NEGR1: variants seen among roughly 807,000 people sequenced by gnomAD.
NEGR1 encodes neuronal growth regulator 1.
In NEGR1, 10 loss-of-function variants were observed where a neutral mutation model predicts 40.9. That is an observed-to-expected ratio of 0.24 (90% CI 0.15 to 0.42). The LOEUF (loss-of-function observed/expected upper bound fraction) is 0.42, where lower values mean the gene tolerates loss of function less well. NEGR1 is among the 10% of genes least tolerant of loss of function. NEGR1 has a pLI of 1.00. For synonymous variants in NEGR1, 185 were observed against 166.8 expected (o/e 1.11, Z -0.84); for missense variants, 352 against 438.9 (o/e 0.80, Z 1.77).
At chr1:72,256,308 A>G (rs1655269310) in intron 1 of NEGR1, among the ~76,000 whole-genome samples, 1 of 152,206 alleles carries the variant, frequency 6.6e-6, no homozygotes, top group African/African-American at 2.4e-5. Context: ...AAAAGTGTTG[A>G]CACAATGCTC....
At chr1:71,781,324 T>C (rs1570338895) in intron 2 of NEGR1, among the ~76,000 whole-genome samples, 1 of 152,142 alleles carries the variant, frequency 6.6e-6, no homozygotes, top group African/African-American at 2.4e-5. Flanking sequence ...CCTGAACCAA[T>C]ATTAACTTGC....
intron 1 of NEGR1, among the ~76,000 whole-genome samples, chr1:72,273,046 G>C (rs1235421957): frequency 6.6e-6 from 1 of 151,908 alleles, no homozygotes; most frequent in Non-Finnish European, 1.5e-5. Flanking sequence ...TTCAGAACCT[G>C]ATATGGCTTA....
At chr1:72,194,910 A>G (rs1023425453) in intron 1 of NEGR1, among the ~76,000 whole-genome samples, 12 of 152,060 alleles carry the variant, frequency 7.9e-5, no homozygotes, top group African/African-American at 2.9e-4. Context: ...GATGATGCCT[A>G]CTGTGTCATC....
intron 6 of NEGR1, among the ~76,000 whole-genome samples, chr1:71,577,705 G>T (rs1226367456): frequency 2.0e-5 from 3 of 152,134 alleles, no homozygotes; most frequent in African/African-American, 7.2e-5. Context: ...CTCTGTCTAA[G>T]CTTGTCTCTT....
At chr1:71,980,736 G>A (rs755284609) in intron 1 of NEGR1, among the ~76,000 whole-genome samples, 3 of 151,994 alleles carry the variant, frequency 2.0e-5, no homozygotes, top group Non-Finnish European at 2.9e-5. Flanking sequence ...TATTATCAGC[G>A]CAAAGCTCAA....
chr1:71,751,178 A>C (rs537384405), intron 3 of NEGR1, among the ~76,000 whole-genome samples: 17 of 152,044 alleles, frequency 1.1e-4, no homozygotes, highest in African/African-American at 3.9e-4. Context: ...CAGTAGTTTC[A>C]GTTTTTATCT....
At chr1:72,055,176 A>G (rs536037437) in intron 1 of NEGR1, among the ~76,000 whole-genome samples, 1 of 151,224 alleles carries the variant, frequency 6.6e-6, no homozygotes, top group Admixed American at 6.6e-5. Flanking sequence ...TATCTCTACT[A>G]CTATTATGAA....
At chr1:72,013,942 C>T (rs1303830064) in intron 1 of NEGR1, among the ~76,000 whole-genome samples, 1 of 122,360 alleles carries the variant, frequency 8.2e-6, no homozygotes, top group African/African-American at 3.2e-5. Context: ...ATACAAGTCC[C>T]AAGAGATGCT....
At chr1:72,275,899 C>A (rs1472153356) in intron 1 of NEGR1, among the ~76,000 whole-genome samples, 2 of 151,946 alleles carry the variant, frequency 1.3e-5, no homozygotes, top group African/African-American at 2.4e-5. Flanking sequence ...GAGTTTGAGA[C>A]CAGTCTGGGC....
At chr1:72,211,964 A>C (rs1484900367) in intron 1 of NEGR1, among the ~76,000 whole-genome samples, 4 of 151,966 alleles carry the variant, frequency 2.6e-5, no homozygotes, top group Non-Finnish European at 4.4e-5. Context: ...TAAATGAACC[A>C]GATTTTGGAA....
intron 2 of NEGR1, among the ~76,000 whole-genome samples, chr1:71,922,637 T>A (rs1195376466): frequency 6.6e-6 from 1 of 152,176 alleles, no homozygotes; most frequent in African/African-American, 2.4e-5. Context: ...TTGGAATCAG[T>A]GAGAGCAATA....
intron 1 of NEGR1, among the ~76,000 whole-genome samples, chr1:72,217,396 C>A (rs1196890984): frequency 6.6e-6 from 1 of 151,654 alleles, no homozygotes; most frequent in East Asian, 1.9e-4. Flanking sequence ...AACAAATCAA[C>A]CTTTTAATCT....
chr1:71,592,334 T>C (rs1041871835), intron 6 of NEGR1, among the ~76,000 whole-genome samples: 1 of 152,158 alleles, frequency 6.6e-6, no homozygotes, highest in African/African-American at 2.4e-5. Context: ...ATTATCTATA[T>C]GGATAAAATA....
intron 1 of NEGR1, among the ~76,000 whole-genome samples, chr1:71,987,183 T>C (rs954855113): frequency 1.3e-5 from 2 of 152,150 alleles, no homozygotes; most frequent in South Asian, 4.1e-4. Context: ...TAACGTCCAA[T>C]TCCCTCCCAG....
chr1:72,000,692 A>G (rs1434812357), intron 1 of NEGR1, among the ~76,000 whole-genome samples: 1 of 152,110 alleles, frequency 6.6e-6, no homozygotes, highest in Non-Finnish European at 1.5e-5. Context: ...CTTCCATTTA[A>G]ATTGTTTCTA....
At chr1:72,239,500 T>C (rs1179184532) in intron 1 of NEGR1, among the ~76,000 whole-genome samples, 1 of 150,878 alleles carries the variant, frequency 6.6e-6, no homozygotes, top group African/African-American at 2.4e-5. Context: ...TTAATGCTAC[T>C]TAGTTTTGTT....
intron 4 of NEGR1, among the ~76,000 whole-genome samples, chr1:71,687,560 A>G (rs1409377786): frequency 1.3e-5 from 2 of 152,172 alleles, no homozygotes; most frequent in Non-Finnish European, 2.9e-5. Context: ...ACCTATTCTG[A>G]GTGCAGCATC....
At position 72,001,933 on chromosome 1, in the gene NEGR1, C is replaced by A. The variant is rs916029471; in HGVS notation, c.177-66622G>T. On this transcript the variant is annotated intron_variant, in intron 1 of 6. Coordinates refer to ENST00000357731, the MANE Select transcript of NEGR1 (RefSeq NM_173808.3). Reference sequence around the variant, plus strand: ...ACATGTATTTTTTCCTGTCTCCCTGCAAAAAATCAACCTGAAAACTCATTA... The same window carrying A: ...ACATGTATTTTTTCCTGTCTCCCTGAAAAAAATCAACCTGAAAACTCATTA... Among the ~76,000 whole-genome samples the A allele has an allele frequency of 5.3e-5, 8 of 151,802 alleles. No homozygotes were observed. In the South Asian group the frequency reaches 6.3e-4, roughly 12 times the overall value.
At chr1:71,971,434 T>G (rs1646255738) in intron 1 of NEGR1, among the ~76,000 whole-genome samples, 1 of 152,180 alleles carries the variant, frequency 6.6e-6, no homozygotes, top group Non-Finnish European at 1.5e-5. Context: ...TTTGTAAAAT[T>G]GGTGTACTAA....
Sources: allele counts gnomAD v4.1 joint callset (sites outside exome capture counted in the v4.1 genomes callset), GRCh38; gene constraint gnomAD v4.1.1; transcripts MANE v1.5; gene names NCBI Gene and HGNC (gene_info 2026-07-23, HGNC 2026-07-21).